PPP4R3B: variants seen among roughly 807,000 people sequenced by gnomAD.
PPP4R3B encodes protein phosphatase 4 regulatory subunit 3B, also known as serine/threonine-protein phosphatase 4 regulatory subunit 3B.
PPP4R3B carries 52 observed loss-of-function variants against 95.4 expected under a neutral mutation model. That is an observed-to-expected ratio of 0.54 (90% CI 0.44 to 0.69). The LOEUF is 0.69. Ranked by LOEUF, PPP4R3B falls within the 30% of genes least tolerant of loss-of-function variation. The pLI is 0.00. For synonymous variants in PPP4R3B, 407 were observed against 343.9 expected (o/e 1.18, Z -2.03); for missense variants, 1,003 against 1,005.9 (o/e 1.00, Z 0.04).
At position 55,617,193 on chromosome 2, in the gene PPP4R3B, G is replaced by GT; in HGVS notation, c.92dup (p.Tyr31Ter). 6.2e-7 allele frequency: 1 copy of GT among 1,613,766 alleles called. No homozygotes were observed. The highest frequency in any genetic ancestry group is 8.5e-7 in the Non-Finnish European group (1 of 1,179,736). The change falls in exon 1 of 17, where the codon TAC becomes TAAC. Residue 31 changes from tyrosine (Y) to a stop codon, truncating the protein, a stop_gained and frameshift_variant. Transcript: ENST00000616407. LOFTEE classifies it high-confidence loss of function. ...DRGTGHVSST[Y>*]VEELKGMSLL... ...GCGACATCCCCTTGAGCTCCTCCACGTAAGTGGAGGAGACGTGCCCGGTGC... is the reference window on the plus strand; with the variant it reads ...GCGACATCCCCTTGAGCTCCTCCACGTTAAGTGGAGGAGACGTGCCCGGTGC...
chr2:55,605,030 C>A (rs920422929), intron 2 of PPP4R3B, among the ~76,000 whole-genome samples: 2 of 151,990 alleles, frequency 1.3e-5, no homozygotes, highest in South Asian at 2.1e-4. Context: ...AGGGTTTCAC[C>A]ATTTTGCCCA....
intron 16 of PPP4R3B, among the ~76,000 whole-genome samples, chr2:55,553,293 A>G (rs1007604517): frequency 2.0e-5 from 3 of 152,194 alleles, no homozygotes; most frequent in African/African-American, 7.2e-5. Context: ...TCAGAACACT[A>G]ACAACCATTC....
intron 12 of PPP4R3B, among the ~76,000 whole-genome samples, chr2:55,573,037 GA>G (rs1281382645): frequency 6.6e-6 from 1 of 151,862 alleles, no homozygotes; most frequent in African/African-American, 2.4e-5. Flanking sequence ...GTACAGGTAT[GA>G]AAAAAAGAAA....
chr2:55,594,535 A>G (rs1412917531), intron 4 of PPP4R3B, among the ~76,000 whole-genome samples: 1 of 152,198 alleles, frequency 6.6e-6, no homozygotes, highest in Non-Finnish European at 1.5e-5. Context: ...AAAGTTTTAC[A>G]AATATTTATA....
chr2:55,555,616 G>A (rs1308283247), intron 16 of PPP4R3B, among the ~76,000 whole-genome samples: 1 of 152,096 alleles, frequency 6.6e-6, no homozygotes, highest in African/African-American at 2.4e-5. Flanking sequence ...TATAATAAAT[G>A]CACATTCTAT....
At chr2:55,612,726 C>T (rs986102677) in intron 2 of PPP4R3B, among the ~76,000 whole-genome samples, 5 of 151,984 alleles carry the variant, frequency 3.3e-5, no homozygotes, top group South Asian at 2.1e-4. Flanking sequence ...GGGCGGATCA[C>T]GAGGTCAGGA....
At chr2:55,585,029 G>C in intron 7 of PPP4R3B, 22 bp downstream of exon 7, 2 of 1,544,610 alleles carry the variant, frequency 1.3e-6, no homozygotes, top group Non-Finnish European at 1.8e-6. Context: ...AATTCACATA[G>C]AACCACAGCA....
intron 4 of PPP4R3B, among the ~76,000 whole-genome samples, chr2:55,590,625 TG>T (rs1179581882): frequency 2.6e-5 from 4 of 152,232 alleles, no homozygotes; most frequent in Non-Finnish European, 5.9e-5. Context: ...AAATTGTTGG[TG>T]GTTTTAAGCT....
intron 16 of PPP4R3B, among the ~76,000 whole-genome samples, chr2:55,550,323 A>G (rs535452432): frequency 6.6e-6 from 1 of 152,186 alleles, no homozygotes; most frequent in African/African-American, 2.4e-5. Context: ...AACATTTGGA[A>G]GCTGGAAAGG....
intron 7 of PPP4R3B, among the ~76,000 whole-genome samples, chr2:55,584,550 T>G (rs913188762): frequency 6.6e-6 from 1 of 152,214 alleles, no homozygotes; most frequent in Admixed American, 6.5e-5. Flanking sequence ...CTTATGCCTT[T>G]GCATCCTCAT....
At position 55,578,362 on chromosome 2, in the gene PPP4R3B, GTTAGTTTTGA is replaced by G; in HGVS notation, c.1469-30_1469-21del. The G allele has an allele frequency of 7.4e-7, 1 of 1,344,948 alleles. No homozygotes were observed. The highest frequency in any genetic ancestry group is 9.6e-7 in the Non-Finnish European group (1 of 1,041,884). 83.3% of individuals were successfully genotyped at this position (1,344,948 alleles called of 1,614,324 possible). ...AAAAATCTGAAAAAAAATATGGCAAGTTAGTTTTGATAAAGCCAACAGGGAGTATATGAGT... is the reference window on the plus strand; with the variant it reads ...AAAAATCTGAAAAAAAATATGGCAAGTAAAGCCAACAGGGAGTATATGAGT... On this transcript the variant is annotated intron_variant, in intron 9 of 16. Coordinates refer to ENST00000616407, the MANE Select transcript of PPP4R3B (RefSeq NM_001122964.3).
At chr2:55,561,491 T>G (rs765120183) in intron 15 of PPP4R3B, among the ~76,000 whole-genome samples, 1 of 152,126 alleles carries the variant, frequency 6.6e-6, no homozygotes, top group Non-Finnish European at 1.5e-5. Flanking sequence ...TACCAACAGC[T>G]TGCACCATGC....
intron 13 of PPP4R3B, among the ~76,000 whole-genome samples, chr2:55,567,842 T>C (rs1687507480): frequency 6.6e-6 from 1 of 152,098 alleles, no homozygotes; most frequent in Admixed American, 6.6e-5. Flanking sequence ...ATACACCAAA[T>C]GAGATCATGA....
chr2:55,559,192 C>CA (rs1686260913), intron 15 of PPP4R3B, among the ~76,000 whole-genome samples: 1 of 151,770 alleles, frequency 6.6e-6, no homozygotes, highest in South Asian at 2.1e-4. Context: ...GCTAAAAATA[C>CA]AAAATTAGCC....
chr2:55,573,576 A>T, intron 12 of PPP4R3B, 43 bp downstream of exon 12: 1 of 1,498,120 alleles, frequency 6.7e-7, no homozygotes, highest in Non-Finnish European at 8.9e-7. Context: ...CTTCAGTTTT[A>T]TCTCTATTAA....
In PPP4R3B at chr2:55,565,053, C is replaced by A. The variant is rs1351219072; in HGVS notation, c.1936-12G>T. ...GACTTGATATCTTCCTGTATAAGCA[C>A]AAAATTTACATTTAAAATATAATAC... On this transcript the variant is annotated splice_polypyrimidine_tract_variant and intron_variant, in intron 13 of 16. Coordinates refer to ENST00000616407, the MANE Select transcript of PPP4R3B (RefSeq NM_001122964.3). The A allele has an allele frequency of 1.3e-6, 2 of 1,539,534 alleles. No homozygotes were observed. Among genetic ancestry groups the A allele is most frequent in the Admixed American group, 2.2e-5 (1 of 45,188 alleles).
At position 55,598,923 on chromosome 2, in the gene PPP4R3B, T is replaced by G. The variant is rs142053846; in HGVS notation, c.414A>C (p.Glu138Asp). 2,260 of 1,614,110 alleles carry G rather than the reference T, an allele frequency of 1.4e-3. 7 individuals are homozygous for G. The highest frequency in any genetic ancestry group is 0.011 in the Middle Eastern group (69 of 6,062). ...TSHLIDLPTC[E>D]LNKLEEIADL... ...CAGCAATCTCTTCAAGTTTATTGAG[T>G]TCACATGTGGGCAGGTCAATCAGAT... Residue 138 changes from glutamate (E) to aspartate (D), a missense_variant, in exon 4 of 17, where the codon GAA (glutamate) becomes GAC (aspartate). By Grantham distance (45) the Glu-to-Asp change is conservative. Around this residue, in one of 3 missense-constraint regions of PPP4R3B, gnomAD observed 695 missense variants for 686.2 expected, o/e 1.01. Transcript: ENST00000616407.
At chr2:55,584,312 C>A (rs1361357115) in intron 7 of PPP4R3B, among the ~76,000 whole-genome samples, 1 of 151,996 alleles carries the variant, frequency 6.6e-6, no homozygotes, top group Non-Finnish European at 1.5e-5. Flanking sequence ...TGGGAAAACA[C>A]AATATTGGTC....
intron 2 of PPP4R3B, among the ~76,000 whole-genome samples, chr2:55,609,145 C>A (rs1332492340): frequency 6.6e-6 from 1 of 152,038 alleles, no homozygotes. Flanking sequence ...AAGGAGGTTA[C>A]CTTGTAGCTA....
Sources: allele counts gnomAD v4.1 joint callset (sites outside exome capture counted in the v4.1 genomes callset), GRCh38; gene constraint gnomAD v4.1.1; regional missense constraint gnomAD v4.1.1; transcripts MANE v1.5; gene names NCBI Gene and HGNC (gene_info 2026-07-23, HGNC 2026-07-21).